The following LRRFIP1 variants were observed in gnomAD, a reference collection of about 807,000 sequenced individuals.
The protein encoded by LRRFIP1 is leucine-rich repeat flightless-interacting protein 1.
In LRRFIP1, 62 loss-of-function variants were observed where a neutral mutation model predicts 104.4. That is an observed-to-expected ratio of 0.59 (90% CI 0.48 to 0.73). The LOEUF (loss-of-function observed/expected upper bound fraction) is 0.73. Among genes scored for constraint, LRRFIP1 ranks in the 30% least tolerant of loss-of-function variants. The probability of loss-of-function intolerance (pLI) is 0.00; values close to 1 mark genes in which losing one functional copy is unlikely to be tolerated. For missense variants in LRRFIP1, 796 were observed against 824.5 expected, an observed-to-expected ratio of 0.97 and a Z score of 0.42; for synonymous variants, 300 against 299.0, an observed-to-expected ratio of 1.00 and a Z score of -0.03.
chr2:237,763,552 T>A (rs754948627), intron 19 of LRRFIP1: 3 of 1,613,208 alleles, frequency 1.9e-6, no homozygotes, highest in Non-Finnish European at 2.5e-6. Flanking sequence ...AGGTAAAGTC[T>A]ACTGACAGAA....
chr2:237,699,755 C>T (rs1342177048), intron 1 of LRRFIP1, among the ~76,000 whole-genome samples: 2 of 152,184 alleles, frequency 1.3e-5, no homozygotes, highest in Non-Finnish European at 2.9e-5. Flanking sequence ...CCTGCCCCCC[C>T]GCCCCAATAC....
At chr2:237,739,564 T>C (rs1479783390) in intron 11 of LRRFIP1, among the ~76,000 whole-genome samples, 1 of 152,240 alleles carries the variant, frequency 6.6e-6, no homozygotes, top group Admixed American at 6.5e-5. Context: ...TTTCTTTTTA[T>C]GATTTAAAAA....
Position 237,649,254 on chromosome 2 carries a change from G to A in LRRFIP1, c.96+21514G>A, listed in dbSNP as rs2149378434. Among the ~76,000 whole-genome samples the A allele has an allele frequency of 6.6e-6, 1 of 152,050 alleles. No individual in the cohort carries two copies. Among genetic ancestry groups the A allele is most frequent in the South Asian group, 2.1e-4 (1 of 4,820 alleles). ...CCCAGCTACGAACACTGTAGGCCGG[G>A]CGCGATGGCTCACACCTGTAATCCC... On this transcript the variant is annotated intron_variant, in intron 1 of 23. Coordinates refer to ENST00000308482, the MANE Select transcript of LRRFIP1 (RefSeq NM_001137550.2). The surrounding 1 kb of genome is among the most constrained non-coding windows in gnomAD (Gnocchi z 4.1).
At chr2:237,681,709 TCGC>T (rs2091853799) in intron 1 of LRRFIP1, among the ~76,000 whole-genome samples, 1 of 124,346 alleles carries the variant, frequency 8.0e-6, no homozygotes, top group Admixed American at 8.4e-5. Context: ...AGACGGAGTC[TCGC>T]TCTGTCGCCC....
chr2:237,732,631 C>T (rs2095060510), intron 8 of LRRFIP1, among the ~76,000 whole-genome samples: 1 of 152,158 alleles, frequency 6.6e-6, no homozygotes, highest in African/African-American at 2.4e-5. Flanking sequence ...GAAAAGGAGA[C>T]TTAAGGAAAA....
At chr2:237,757,793 G>T (rs912906336) in intron 17 of LRRFIP1, among the ~76,000 whole-genome samples, 1 of 152,072 alleles carries the variant, frequency 6.6e-6, no homozygotes, top group Non-Finnish European at 1.5e-5. Flanking sequence ...GTAGCTGTGC[G>T]CTCTGCCTGC....
chr2:237,677,999 C>T (rs4459686), intron 1 of LRRFIP1, among the ~76,000 whole-genome samples: 102,193 of 152,106 alleles, frequency 0.67, 36,061 homozygotes, highest in Middle Eastern at 0.84. Flanking sequence ...GAGTCCATTG[C>T]GTCACCTCGG....
chr2:237,650,775 A>G (rs1376721430), intron 1 of LRRFIP1, among the ~76,000 whole-genome samples: 1 of 152,220 alleles, frequency 6.6e-6, no homozygotes. Flanking sequence ...GGGTTTGCTG[A>G]TGGATTGAAT....
At chr2:237,753,277 GC>G in intron 14 of LRRFIP1, 31 bp from the exon 15 acceptor site, 1 of 1,516,738 alleles carries the variant, frequency 6.6e-7, no homozygotes, top group Non-Finnish European at 8.8e-7. Flanking sequence ...TTTTTTTATT[GC>G]AATTTCAAAA....
At chr2:237,702,377 G>A (rs1047341649) in intron 1 of LRRFIP1, among the ~76,000 whole-genome samples, 2 of 152,118 alleles carry the variant, frequency 1.3e-5, no homozygotes, top group Non-Finnish European at 2.9e-5. Context: ...CTCTGTCTGT[G>A]GGGTCCCTGG....
intron 1 of LRRFIP1, among the ~76,000 whole-genome samples, chr2:237,642,665 T>C (rs1575086766): frequency 6.8e-6 from 1 of 146,388 alleles, no homozygotes; most frequent in South Asian, 2.2e-4. Context: ...GTTCCATGTT[T>C]CAGGTACTAG....
In LRRFIP1 at chr2:237,742,854, T is replaced by C. The variant is rs144886642; in HGVS notation, c.633+3545T>C. Among the ~76,000 whole-genome samples, 310 of 152,042 alleles carry C rather than the reference T, an allele frequency of 2.0e-3. 2 individuals are homozygous for C. Among genetic ancestry groups the C allele is most frequent in the African/African-American group, 7.2e-3 (299 of 41,466 alleles). On this transcript the variant is annotated intron_variant, in intron 11 of 23. Coordinates refer to ENST00000308482, the MANE Select transcript of LRRFIP1 (RefSeq NM_001137550.2). The stretch of plus-strand genomic sequence containing the variant: ...AATGACCCTCCAGTCTGGCCTTCCT[T>C]GAGGTCATATGGAGCAGGCAGTGCT...
intron 7 of LRRFIP1, among the ~76,000 whole-genome samples, chr2:237,726,406 C>T (rs191265741): frequency 3.6e-4 from 54 of 152,106 alleles, no homozygotes; most frequent in African/African-American, 1.1e-3. Context: ...ATACAGCACC[C>T]GTCCCCCGGA....
At chr2:237,657,907 G>A (rs1332972418) in intron 1 of LRRFIP1, among the ~76,000 whole-genome samples, 2 of 152,202 alleles carry the variant, frequency 1.3e-5, no homozygotes, top group Admixed American at 1.3e-4. Context: ...CTCGGTGATA[G>A]CACTGAATTA....
intron 14 of LRRFIP1, 62 bp from the exon 15 acceptor site, chr2:237,753,247 T>A: frequency 1.5e-6 from 2 of 1,320,310 alleles, no homozygotes. Flanking sequence ...AACAGAATAC[T>A]GAATGATTCT....
chr2:237,726,972 A>G (rs1356504513), intron 7 of LRRFIP1, among the ~76,000 whole-genome samples: 2 of 152,204 alleles, frequency 1.3e-5, no homozygotes, highest in Non-Finnish European at 2.9e-5. Flanking sequence ...TTTCATTTTG[A>G]AAAATAAAGT....
At chr2:237,772,796 C>T (rs2060765307) in intron 21 of LRRFIP1, 70 bp from the exon 22 acceptor site, 1 of 1,040,096 alleles carries the variant, frequency 9.6e-7, no homozygotes, top group Non-Finnish European at 1.5e-6. Context: ...GCTTGGTTCC[C>T]AGTAACTATT....
chr2:237,642,532 TCAGGTTC>T (rs1041976340), intron 1 of LRRFIP1, among the ~76,000 whole-genome samples: 24 of 150,984 alleles, frequency 1.6e-4, no homozygotes, highest in Middle Eastern at 6.8e-3. Context: ...GCTAAGGGTT[TCAGGTTC>T]CAGGTTCCAG....
chr2:237,763,982 A>C, intron 19 of LRRFIP1: 1 of 1,614,242 alleles, frequency 6.2e-7, no homozygotes, highest in South Asian at 1.1e-5. Context: ...AGAACATCCA[A>C]GTCAGACCGT....
Sources: gnomAD v4.1 joint callset for allele counts (sites outside exome capture counted in the v4.1 genomes callset) on GRCh38, gnomAD v4.1.1 for gene constraint, Gnocchi (gnomAD v3.1) non-coding constraint, MANE v1.5 for transcripts, NCBI Gene and HGNC (gene_info 2026-07-23, HGNC 2026-07-21) for gene names.